Variants in PTPRN2 observed in about 807,000 individuals in gnomAD.
PTPRN2 encodes the protein receptor-type tyrosine-protein phosphatase N2.
In PTPRN2, 74 loss-of-function variants were observed where a neutral mutation model predicts 118.8. The observed-to-expected ratio is 0.62, with a 90% CI of 0.52 to 0.76. The LOEUF is 0.76. PTPRN2 is among the 30% of genes least tolerant of loss of function. The probability of loss-of-function intolerance (pLI) is 0.00; values close to 1 mark genes in which losing one functional copy is unlikely to be tolerated. For missense variants in PTPRN2, 1,481 were observed against 1,394.4 expected, an observed-to-expected ratio of 1.06 and a Z score of -0.99; for synonymous variants, 641 against 608.0, an observed-to-expected ratio of 1.05 and a Z score of -0.80.
intron 11 of PTPRN2, among the ~76,000 whole-genome samples, chr7:158,037,993 G>T (rs1177381258): frequency 5.9e-5 from 9 of 152,176 alleles, no homozygotes; most frequent in African/African-American, 1.4e-4. Context: ...CCCGCTTTGG[G>T]TCTCACTTGG....
At chr7:158,384,621 A>G (rs1313413833) in intron 2 of PTPRN2, among the ~76,000 whole-genome samples, 1 of 152,220 alleles carries the variant, frequency 6.6e-6, no homozygotes, top group East Asian at 1.9e-4. Context: ...CCTGTATTAC[A>G]GGAGGGATTA....
intron 2 of PTPRN2, among the ~76,000 whole-genome samples, chr7:158,331,771 TAA>T (rs1804505312): frequency 1.3e-5 from 2 of 150,880 alleles, no homozygotes; most frequent in South Asian, 4.1e-4. Flanking sequence ...ACTCTCACCA[TAA>T]GAGCTGTCAC....
At chr7:157,906,583 A>T (rs1797781858) in intron 11 of PTPRN2, among the ~76,000 whole-genome samples, 1 of 152,094 alleles carries the variant, frequency 6.6e-6, no homozygotes, top group South Asian at 2.1e-4. Context: ...GTCTTTATTC[A>T]TACAAGGTTA....
chr7:157,577,730 C>T (rs1053796570), intron 18 of PTPRN2, among the ~76,000 whole-genome samples: 1 of 152,192 alleles, frequency 6.6e-6, no homozygotes, highest in Non-Finnish European at 1.5e-5. Flanking sequence ...AGATAAAAAC[C>T]ACACCACACT....
chr7:157,943,237 C>T (rs745422634), intron 11 of PTPRN2, among the ~76,000 whole-genome samples: 3 of 152,208 alleles, frequency 2.0e-5, no homozygotes, highest in Admixed American at 6.5e-5. Context: ...TGCAGAATCT[C>T]ACCAGAGGAT....
At chr7:158,242,599 G>A (rs1795964954) in intron 3 of PTPRN2, among the ~76,000 whole-genome samples, 1 of 152,222 alleles carries the variant, frequency 6.6e-6, no homozygotes, top group Admixed American at 6.5e-5. Flanking sequence ...AAGAGTTTGA[G>A]AAGATGGGTA....
intron 12 of PTPRN2, among the ~76,000 whole-genome samples, chr7:157,719,901 C>T (rs1463015553): frequency 6.6e-6 from 1 of 152,208 alleles, no homozygotes; most frequent in East Asian, 1.9e-4. Context: ...GTCTAGTCAT[C>T]CAATATTTAT....
intron 14 of PTPRN2, among the ~76,000 whole-genome samples, chr7:157,651,243 G>A (rs981584845): frequency 6.6e-6 from 1 of 152,140 alleles, no homozygotes; most frequent in Non-Finnish European, 1.5e-5. Context: ...CGTTTTTCAC[G>A]TCTCTGTCAC....
At chr7:158,487,709 CGCCAGCCTCGGGCTAA>C (rs1235650013) in intron 2 of PTPRN2, among the ~76,000 whole-genome samples, 9 of 152,142 alleles carry the variant, frequency 5.9e-5, no homozygotes, top group Non-Finnish European at 1.3e-4. Flanking sequence ...ACCCCTGGCC[CGCCAGCCTCGGGCTAA>C]ACCAGTCACC....
chr7:157,949,624 T>A (rs925703546), intron 11 of PTPRN2, among the ~76,000 whole-genome samples: 8 of 152,254 alleles, frequency 5.3e-5, no homozygotes, highest in African/African-American at 1.9e-4. Flanking sequence ...CTCAGGTATT[T>A]CTTCATAGCA....
intron 9 of PTPRN2, among the ~76,000 whole-genome samples, chr7:158,112,336 G>A (rs1349772648): frequency 1.3e-5 from 2 of 152,202 alleles, no homozygotes; most frequent in African/African-American, 2.4e-5. Context: ...AGAGGTGAAG[G>A]AGCTGGAAAC....
chr7:158,070,731 G>C (rs1353172700), intron 11 of PTPRN2, among the ~76,000 whole-genome samples: 1 of 123,880 alleles, frequency 8.1e-6, no homozygotes, highest in East Asian at 2.4e-4. Flanking sequence ...GTGTGGAGGT[G>C]CCCGTGGTGG....
chr7:157,576,901 A>T, intron 18 of PTPRN2, 122 bp from the exon 19 acceptor site: 1 of 1,034,872 alleles, frequency 9.7e-7, no homozygotes, highest in South Asian at 1.7e-5. Context: ...AAGAGGGCAC[A>T]TTTTACAGCG....
intron 2 of PTPRN2, among the ~76,000 whole-genome samples, chr7:158,317,881 C>CG (rs889635178): frequency 6.6e-6 from 1 of 152,214 alleles, no homozygotes; most frequent in African/African-American, 2.4e-5. Flanking sequence ...ATGCTCACGA[C>CG]GACGGGGCCG....
intron 14 of PTPRN2, among the ~76,000 whole-genome samples, chr7:157,633,972 C>G (rs1386468433): frequency 1.3e-5 from 2 of 152,210 alleles, no homozygotes; most frequent in African/African-American, 2.4e-5. Context: ...AGGACTGCTG[C>G]AGCCCACCAT....
At chr7:157,712,633 C>G (rs1798702515) in intron 12 of PTPRN2, among the ~76,000 whole-genome samples, 1 of 151,836 alleles carries the variant, frequency 6.6e-6, no homozygotes, top group Non-Finnish European at 1.5e-5. Flanking sequence ...CACCTGTAAT[C>G]TCAGCTACTT....
intron 2 of PTPRN2, among the ~76,000 whole-genome samples, chr7:158,361,971 G>A (rs1460409031): frequency 6.6e-6 from 1 of 152,058 alleles, no homozygotes. Context: ...TCCTCCCTTC[G>A]TTTCTTGGCC....
In PTPRN2 at chr7:158,006,663, C is replaced by T. The variant is rs557926837; in HGVS notation, c.1723+74635G>A. On this transcript the variant is annotated intron_variant, in intron 11 of 22. Coordinates refer to ENST00000389418, the MANE Select transcript of PTPRN2 (RefSeq NM_002847.5). ...ACCCCTATGGAGATAGATGCCAGGG[C>T]TTGGGAGCCACCTGGTGTGGCTGTG... 6.6e-5 allele frequency among the ~76,000 whole-genome samples: 10 copies of T among 152,334 alleles called. No homozygotes were observed. The South Asian group carries it at 1.7e-3, about 25-fold the overall frequency.
chr7:158,206,425 T>G (rs1366933431), intron 3 of PTPRN2, among the ~76,000 whole-genome samples: 2 of 151,440 alleles, frequency 1.3e-5, no homozygotes, highest in Admixed American at 6.6e-5. Flanking sequence ...TAATCAACAG[T>G]GGTACCCAGG....
Sources: gnomAD v4.1 joint callset for allele counts (sites outside exome capture counted in the v4.1 genomes callset) on GRCh38, gnomAD v4.1.1 for gene constraint, MANE v1.5 for transcripts, NCBI Gene and HGNC (gene_info 2026-07-23, HGNC 2026-07-21) for gene names.